Variants in BSCL2 observed in about 807,000 individuals in gnomAD.
BSCL2 encodes BSCL2 lipid droplet biogenesis associated, seipin.
BSCL2 carries 41 observed loss-of-function variants against 57.4 expected under a neutral mutation model. The observed-to-expected ratio is 0.71, with a 90% CI of 0.56 to 0.93. BSCL2 has a LOEUF of 0.93. Among genes scored for constraint, BSCL2 ranks in the 40% least tolerant of loss-of-function variants. BSCL2 has a pLI of 0.00. For missense variants in BSCL2, 539 were observed against 586.7 expected (o/e 0.92, Z 0.84); for synonymous variants, 237 against 227.3 (o/e 1.04, Z -0.38).
chr11:62,694,220 T>G (rs1287450424), intron 4 of BSCL2, among the ~76,000 whole-genome samples: 1 of 139,028 alleles, frequency 7.2e-6, no homozygotes, highest in Non-Finnish European at 1.5e-5. Flanking sequence ...TTTTTTTTTT[T>G]TTTGAGACGG....
At chr11:62,706,434 G>A (rs2134745306) in intron 1 of BSCL2, 1 of 485,998 alleles carries the variant, frequency 2.1e-6, no homozygotes, top group Non-Finnish European at 3.3e-6. Flanking sequence ...CTGCGAGGTC[G>A]CTGTCTCCTT....
Position 62,707,264 on chromosome 11 carries a change from G to T in BSCL2, c.-69C>A. ...ACTTGTGGCTAAAACGTGAAGTGGCGATCCAGACGCTGATACCTGTGGCGC... is the reference window on the plus strand; with the variant it reads ...ACTTGTGGCTAAAACGTGAAGTGGCTATCCAGACGCTGATACCTGTGGCGC... On this transcript the variant is annotated 5_prime_UTR_variant, in exon 1 of 11. Transcript: ENST00000360796. 7.5e-7 allele frequency: 1 copy of T among 1,331,952 alleles called. No homozygotes were observed. Among genetic ancestry groups the T allele is most frequent in the Non-Finnish European group, 1.1e-6 (1 of 946,996 alleles). The allele number at this position is 1,331,952 out of a possible 1,614,324, so 82.5% of individuals were successfully genotyped here. A position where few individuals can be genotyped will look rare whatever the true frequency, so the allele number is the denominator to read the frequency against.
intron 1 of BSCL2, chr11:62,706,265 C>T: frequency 9.1e-7 from 1 of 1,098,924 alleles, no homozygotes; most frequent in Non-Finnish European, 1.1e-6. Flanking sequence ...TCACCAGCCT[C>T]GCGCGCTGCC....
chr11:62,705,173 G>GGA, intron 2 of BSCL2, 128 bp downstream of exon 2: 1 of 1,018,124 alleles, frequency 9.8e-7, no homozygotes, highest in East Asian at 2.7e-5. Flanking sequence ...TGTGAAAGTT[G>GGA]AGAGGCCCTG....
upstream of BSCL2, chr11:62,707,445 A>G (rs1205646417): frequency 2.0e-5 from 14 of 693,970 alleles, no homozygotes; most frequent in Non-Finnish European, 3.2e-5. Flanking sequence ...CCCCGCAGCC[A>G]GTACAGACTC....
In BSCL2 at chr11:62,690,345, GT is replaced by G. The variant is rs755542483; in HGVS notation, c.*21del. The G allele has an allele frequency of 6.2e-7, 1 of 1,613,756 alleles. No individual in the cohort carries two copies. The highest frequency in any genetic ancestry group is 8.5e-7 in the Non-Finnish European group (1 of 1,180,018). ...GAGTCAGGTGGGAAAGTGCTGGAAT[GT>G]GAGGAGTCTGCCCCTTTTCTTCAGG... On this transcript the variant is annotated 3_prime_UTR_variant, in exon 11 of 11. Coordinates refer to ENST00000360796, the MANE Select transcript of BSCL2 (RefSeq NM_001122955.4).
intron 4 of BSCL2, 114 bp from the exon 5 acceptor site, chr11:62,692,911 CCTGG>C: frequency 7.2e-7 from 1 of 1,384,136 alleles, no homozygotes; most frequent in South Asian, 1.2e-5. Flanking sequence ...TCCTCAGGTC[CCTGG>C]CTGCCTCACC....
At chr11:62,694,855 G>A (rs1332760769) in intron 3 of BSCL2, 144 bp from the exon 4 acceptor site, 1 of 998,876 alleles carries the variant, frequency 1.0e-6, no homozygotes, top group African/African-American at 1.6e-5. Context: ...CTTTCAATCT[G>A]TCATCCCAAG....
chr11:62,707,103 C>T lies in BSCL2; in HGVS notation c.87+6G>A. ...TTCTGCTGACTGTCCCCACAAGGGCCCCTACCTCCTCTTTGTCCGGTCCTT... is the reference window on the plus strand; with the variant it reads ...TTCTGCTGACTGTCCCCACAAGGGCTCCTACCTCCTCTTTGTCCGGTCCTT... On this transcript the variant is annotated splice_donor_region_variant and intron_variant, in intron 1 of 10. Coordinates refer to ENST00000360796, the MANE Select transcript of BSCL2 (RefSeq NM_001122955.4). 1 of 1,552,718 alleles carries T rather than the reference C, an allele frequency of 6.4e-7. No individual in the cohort carries two copies. The highest frequency in any genetic ancestry group is 8.7e-7 in the Non-Finnish European group (1 of 1,147,000).
At chr11:62,706,057 T>G in intron 1 of BSCL2, 3 of 298,380 alleles carry the variant, frequency 1.0e-5, no homozygotes, top group Non-Finnish European at 1.6e-5. Context: ...CCACAATTGC[T>G]TCCCGAGTTT....
intron 6 of BSCL2, 50 bp from the exon 7 acceptor site, chr11:62,691,471 C>T (rs1373515257): frequency 1.3e-6 from 2 of 1,597,038 alleles, no homozygotes; most frequent in African/African-American, 2.7e-5. Flanking sequence ...CCAGAGAGCA[C>T]CAGCCTTCTC....
chr11:62,690,508 C>G lies in BSCL2; in HGVS notation c.1248G>C (p.Trp416Cys). 1 of 1,614,160 alleles carries G rather than the reference C, an allele frequency of 6.2e-7. No homozygotes were observed. Among genetic ancestry groups the G allele is most frequent in the Non-Finnish European group, 8.5e-7 (1 of 1,180,008 alleles). The change falls in exon 11 of 11, where the codon TGG becomes TGC. Residue 416 changes from tryptophan (W) to cysteine (C), a missense_variant. Physicochemically the swap from Trp to Cys is radical, Grantham distance 215. Around this residue, in one of 3 missense-constraint regions of BSCL2, gnomAD observed 248 missense variants for 239.9 expected, o/e 1.03. Transcript: ENST00000360796. ...CCTCCGTCAGCAAAGCTGCATCTTC[C>G]CAGGAGCCTGAACCTGGGCCAGGAA... Reference protein sequence around the residue: ...EPEASDGSGSWEDAALLTEAN... With the variant: ...EPEASDGSGSCEDAALLTEAN...
upstream of BSCL2, chr11:62,707,784 T>C: frequency 3.8e-6 from 1 of 263,798 alleles, no homozygotes; most frequent in South Asian, 4.6e-5. Context: ...TCCTTTCGTA[T>C]AGTCACTGCT....
rs1473261180 is a variant in BSCL2, at chr11:62,707,261, G to A, written c.-66C>T. 7.2e-7 allele frequency: 1 copy of A among 1,383,488 alleles called. No individual in the cohort carries two copies. The highest frequency in any genetic ancestry group is 2.0e-5 in the Admixed American group (1 of 50,794). 85.7% of individuals were successfully genotyped at this position (1,383,488 alleles called of 1,614,324 possible). A position where few individuals can be genotyped will look rare whatever the true frequency, so the allele number is the denominator to read the frequency against. On this transcript the variant is annotated 5_prime_UTR_variant, in exon 1 of 11. Coordinates refer to ENST00000360796, the MANE Select transcript of BSCL2 (RefSeq NM_001122955.4). The stretch of plus-strand genomic sequence containing the variant: ...GTCACTTGTGGCTAAAACGTGAAGT[G>A]GCGATCCAGACGCTGATACCTGTGG...
At chr11:62,706,662 C>T (rs1168277529) in intron 1 of BSCL2, 2 of 476,122 alleles carry the variant, frequency 4.2e-6, no homozygotes, top group Non-Finnish European at 8.7e-6. Context: ...AGGCGGTCAT[C>T]CAGCTGGCGC....
chr11:62,704,660 G>A (rs543461040), intron 2 of BSCL2, among the ~76,000 whole-genome samples: 5 of 152,252 alleles, frequency 3.3e-5, no homozygotes, highest in South Asian at 2.1e-4. Flanking sequence ...GCTGAGGCAC[G>A]AGAATTGCTT....
Position 62,694,435 on chromosome 11 carries a change from G to A in BSCL2, c.630+133C>T, listed in dbSNP as rs1945395397. The A allele has an allele frequency of 2.2e-6, 3 of 1,337,858 alleles. No individual in the cohort carries two copies. In the South Asian group the frequency reaches 3.7e-5, roughly 16 times the overall value. The allele number at this position is 1,337,858 out of a possible 1,614,324, so 82.9% of individuals were successfully genotyped here. ...GCCCAGGCCAGTCTTGAACTCCTGG[G>A]CTCAAGCGATCTGCCTGCCTCGGCC... On this transcript the variant is annotated intron_variant, in intron 4 of 10. Transcript: ENST00000360796.
intron 1 of BSCL2, chr11:62,706,088 A>G: frequency 2.3e-6 from 1 of 431,344 alleles, no homozygotes; most frequent in Non-Finnish European, 3.2e-6. Flanking sequence ...CCTCGAGCAG[A>G]GCTCGCTCAC....
intron 2 of BSCL2, among the ~76,000 whole-genome samples, chr11:62,702,882 G>A (rs955656272): frequency 2.0e-5 from 3 of 151,972 alleles, no homozygotes; most frequent in Admixed American, 2.0e-4. Context: ...AAGCAGCAGC[G>A]GCTCACGCCT....
Sources: gnomAD v4.1 joint callset for allele counts (sites outside exome capture counted in the v4.1 genomes callset) on GRCh38, gnomAD v4.1.1 for gene constraint, gnomAD v4.1.1 regional missense constraint, MANE v1.5 for transcripts, NCBI Gene and HGNC (gene_info 2026-07-23, HGNC 2026-07-21) for gene names.